The following ZNF423 variants were observed in gnomAD, a reference collection of about 807,000 sequenced individuals.
ZNF423 encodes Ebf-associated zinc finger protein.
A neutral mutation model predicts 95.8 loss-of-function variants in ZNF423; 12 were observed. The observed-to-expected ratio is 0.13, with a 90% CI of 0.08 to 0.20. The LOEUF (loss-of-function observed/expected upper bound fraction) is 0.20, where lower values mean the gene tolerates loss of function less well. Ranked by LOEUF, ZNF423 falls within the 10% of genes least tolerant of loss-of-function variation. The probability of loss-of-function intolerance (pLI) is 1.00; values close to 1 mark genes in which losing one functional copy is unlikely to be tolerated. For missense variants in ZNF423, 1,316 were observed against 1,737.1 expected, an observed-to-expected ratio of 0.76 and a Z score of 4.31; for synonymous variants, 749 against 711.9, an observed-to-expected ratio of 1.05 and a Z score of -0.83.
chr16:49,551,140 G>GA (rs1969619276), intron 5 of ZNF423, among the ~76,000 whole-genome samples: 1 of 152,236 alleles, frequency 6.6e-6, no homozygotes, highest in Non-Finnish European at 1.5e-5. Flanking sequence ...CTGGGACACT[G>GA]GGAGGGATGT....
At chr16:49,752,473 A>G (rs939389344) in intron 2 of ZNF423, among the ~76,000 whole-genome samples, 8 of 152,114 alleles carry the variant, frequency 5.3e-5, no homozygotes, top group African/African-American at 1.9e-4. Flanking sequence ...ATCACCAGAG[A>G]ACTCTAGCCC....
chr16:49,853,541 G>T, intron 1 of ZNF423: 1 of 745,106 alleles, frequency 1.3e-6, no homozygotes, highest in African/African-American at 1.9e-5. Context: ...GAAAGGCTCT[G>T]TGTGGCTGAT....
At chr16:49,857,093 C>G (rs910759184), upstream of ZNF423, among the ~76,000 whole-genome samples, 1 of 150,516 alleles carries the variant, frequency 6.6e-6, no homozygotes, top group Non-Finnish European at 1.5e-5. The surrounding 1 kb of genome is among the most constrained non-coding windows in gnomAD (Gnocchi z 6.2). Flanking sequence ...GGCTGCACTG[C>G]AGAGACACAT....
At chr16:49,678,600 C>A (rs1315011032) in intron 3 of ZNF423, among the ~76,000 whole-genome samples, 1 of 152,230 alleles carries the variant, frequency 6.6e-6, no homozygotes. Context: ...GTGTGAGGCA[C>A]TGGCCTCCCA....
At chr16:49,743,407 C>A (rs2033455864) in intron 2 of ZNF423, among the ~76,000 whole-genome samples, 1 of 152,160 alleles carries the variant, frequency 6.6e-6, no homozygotes, top group Non-Finnish European at 1.5e-5. Flanking sequence ...AAGCTCCAGG[C>A]AGGCAAGTCC....
At chr16:49,499,359 T>C (rs1597003345) in intron 7 of ZNF423, among the ~76,000 whole-genome samples, 1 of 152,370 alleles carries the variant, frequency 6.6e-6, no homozygotes, top group East Asian at 1.9e-4. Context: ...CCAGGGAAGC[T>C]GTCTCTCATG....
chr16:49,541,090 ATCAGG>A (rs1452181635), intron 5 of ZNF423, among the ~76,000 whole-genome samples: 3 of 152,096 alleles, frequency 2.0e-5, no homozygotes, highest in Non-Finnish European at 4.4e-5. Context: ...TGTCTGCCCC[ATCAGG>A]GACTCCCGCT....
chr16:49,738,774 C>G (rs1288721042), intron 2 of ZNF423, among the ~76,000 whole-genome samples: 1 of 152,082 alleles, frequency 6.6e-6, no homozygotes, highest in Middle Eastern at 3.4e-3. Context: ...GAAAGGCTTC[C>G]CCACCTCTCA....
At chr16:49,712,500 A>G (rs1446342027) in intron 3 of ZNF423, among the ~76,000 whole-genome samples, 2 of 152,244 alleles carry the variant, frequency 1.3e-5, no homozygotes, top group East Asian at 3.8e-4. Context: ...GGCCCCCAAA[A>G]CAGCTCCTTC....
At chr16:49,614,066 T>C (rs771514335) in intron 5 of ZNF423, among the ~76,000 whole-genome samples, 1 of 152,178 alleles carries the variant, frequency 6.6e-6, no homozygotes, top group Non-Finnish European at 1.5e-5. Context: ...AAAGGACTAG[T>C]ACTTAGAATA....
chr16:49,539,169 G>A (rs56011612), intron 5 of ZNF423, among the ~76,000 whole-genome samples: 16,475 of 152,038 alleles, frequency 0.11, 1,157 homozygotes, highest in East Asian at 0.2. Flanking sequence ...CACCCCCCAC[G>A]GCTCTGGACA....
At chr16:49,772,034 T>A (rs543317119) in intron 2 of ZNF423, among the ~76,000 whole-genome samples, 1 of 152,342 alleles carries the variant, frequency 6.6e-6, no homozygotes, top group South Asian at 2.1e-4. Context: ...TATGAGGGCC[T>A]GGATCACACA....
chr16:49,764,908 C>T (rs2033901374), intron 2 of ZNF423, among the ~76,000 whole-genome samples: 1 of 150,468 alleles, frequency 6.6e-6, no homozygotes, highest in Non-Finnish European at 1.5e-5. Flanking sequence ...CCACCACGCC[C>T]AGCTAATTTT....
At chr16:49,582,942 A>C (rs1970716558) in intron 5 of ZNF423, among the ~76,000 whole-genome samples, 1 of 152,234 alleles carries the variant, frequency 6.6e-6, no homozygotes, top group South Asian at 2.1e-4. Context: ...CCATATGTGA[A>C]TATCTTGCTG....
At chr16:49,634,208 T>G (rs893082228) in intron 4 of ZNF423, among the ~76,000 whole-genome samples, 6 of 148,620 alleles carry the variant, frequency 4.0e-5, no homozygotes, top group Non-Finnish European at 9.0e-5. Flanking sequence ...ACCTGGCTTT[T>G]TTTTTTTTTT....
intron 3 of ZNF423, among the ~76,000 whole-genome samples, chr16:49,714,919 G>C (rs1254813627): frequency 6.6e-6 from 1 of 152,118 alleles, no homozygotes; most frequent in East Asian, 1.9e-4. Context: ...AGGGAGGTGT[G>C]AGTTGGGTGT....
intron 1 of ZNF423, among the ~76,000 whole-genome samples, chr16:49,808,326 C>T (rs542051030): frequency 1.3e-5 from 2 of 152,254 alleles, no homozygotes; most frequent in Non-Finnish European, 2.9e-5. Flanking sequence ...CCCCTGGAAG[C>T]ACTGGGATTA....
intron 3 of ZNF423, among the ~76,000 whole-genome samples, chr16:49,686,309 C>A (rs1330498419): frequency 6.6e-6 from 1 of 152,166 alleles, no homozygotes; most frequent in Non-Finnish European, 1.5e-5. Context: ...GGAAGGCCAG[C>A]CTCGCAACCT....
chr16:49,738,423 G>A (rs1241014340), intron 2 of ZNF423, among the ~76,000 whole-genome samples: 2 of 152,136 alleles, frequency 1.3e-5, no homozygotes, highest in Non-Finnish European at 2.9e-5. Flanking sequence ...CCTTGACCAA[G>A]GCAAGTCCCC....
Sources: gnomAD v4.1 joint callset for allele counts (sites outside exome capture counted in the v4.1 genomes callset) on GRCh38, gnomAD v4.1.1 for gene constraint, Gnocchi (gnomAD v3.1) non-coding constraint, MANE v1.5 for transcripts, NCBI Gene and HGNC (gene_info 2026-07-23, HGNC 2026-07-21) for gene names.